The following SLC8B1 variants were observed in gnomAD, a reference collection of about 807,000 sequenced individuals.
The protein encoded by SLC8B1 is mitochondrial sodium/calcium exchanger protein.
In SLC8B1, 52 loss-of-function variants were observed where a neutral mutation model predicts 63.4. The ratio of observed to expected loss-of-function variants is 0.82; its 90% CI spans 0.66 to 1.03. SLC8B1 has a LOEUF of 1.03. Ranked by LOEUF, SLC8B1 falls within the 50% of genes least tolerant of loss-of-function variation. SLC8B1 has a pLI of 0.00. For synonymous variants in SLC8B1, 336 were observed against 323.9 expected, an observed-to-expected ratio of 1.04 and a Z score of -0.40; for missense variants, 657 against 741.7, an observed-to-expected ratio of 0.89 and a Z score of 1.33.
At chr12:113,301,766 T>C (rs1442082086) in intron 15 of SLC8B1, among the ~76,000 whole-genome samples, 1 of 152,206 alleles carries the variant, frequency 6.6e-6, no homozygotes, top group East Asian at 1.9e-4. Flanking sequence ...TGGTGGGTAC[T>C]AGGATGGACT....
Position 113,301,436 on chromosome 12 carries a change from A to C in SLC8B1, c.1558-1462T>G, listed in dbSNP as rs915677367. On this transcript the variant is annotated intron_variant, in intron 15 of 15. Transcript: ENST00000680972. ...ACAGCAACCTCTACCTCCCAAGTTC[A>C]AGTGATTCTCCTGCCTCAGCCTCCC... Among the ~76,000 whole-genome samples, 14 of 149,222 alleles carry C rather than the reference A, an allele frequency of 9.4e-5. 1 individual carries two copies. Among genetic ancestry groups the C allele is most frequent in the African/African-American group, 3.5e-4 (14 of 40,302 alleles).
At chr12:113,304,906 CA>C (rs535643907) in intron 14 of SLC8B1, among the ~76,000 whole-genome samples, 2 of 151,346 alleles carry the variant, frequency 1.3e-5, no homozygotes, top group African/African-American at 2.4e-5. Context: ...CCCAGACTTA[CA>C]AAAAAAAATG....
At chr12:113,303,793 G>GC (rs111519158) in intron 15 of SLC8B1, among the ~76,000 whole-genome samples, 22,586 of 152,134 alleles carry the variant, frequency 0.15, 2,398 homozygotes, top group African/African-American at 0.29. Context: ...TGGCCCTTCC[G>GC]CTGCGTGCTT....
rs1271317751 is a variant in SLC8B1, at chr12:113,310,281, C to T, written c.1210G>A (p.Val404Met). 1 of 1,614,124 alleles carries T rather than the reference C, an allele frequency of 6.2e-7. No individual in the cohort carries two copies. The highest frequency in any genetic ancestry group is 2.2e-5 in the East Asian group (1 of 44,880). ...CTGTCAGATGTGGCAAAAAAGGTCACTGAAGCCAAGGCTGTGCCTGCGATC... is the reference window on the plus strand; with the variant it reads ...CTGTCAGATGTGGCAAAAAAGGTCATTGAAGCCAAGGCTGTGCCTGCGATC... ...VVIAGTALAS[V>M]TFFATSDSQP... The change falls in exon 12 of 16, where the codon GTG becomes ATG. Residue 404 changes from valine to methionine, a missense_variant. Transcript: ENST00000680972.
chr12:113,323,239 C>T (rs1956954734), intron 2 of SLC8B1, among the ~76,000 whole-genome samples: 1 of 152,202 alleles, frequency 6.6e-6, no homozygotes, highest in Admixed American at 6.5e-5. Flanking sequence ...AAAAGAAATG[C>T]TCAAGGCCCT....
intron 8 of SLC8B1, among the ~76,000 whole-genome samples, chr12:113,318,422 GTGT>G (rs576880149): frequency 4.0e-5 from 6 of 151,748 alleles, no homozygotes; most frequent in Non-Finnish European, 4.4e-5. Context: ...ATTTGTATGT[GTGT>G]TGTGTGTATA....
At chr12:113,334,160 C>T (rs1207013888) in intron 1 of SLC8B1, among the ~76,000 whole-genome samples, 1 of 152,200 alleles carries the variant, frequency 6.6e-6, no homozygotes, top group Non-Finnish European at 1.5e-5. Context: ...CCATGTGCCT[C>T]TTCCCTCAAG....
chr12:113,303,141 A>G (rs200171224), intron 15 of SLC8B1, among the ~76,000 whole-genome samples: 3,309 of 145,704 alleles, frequency 0.023, 60 homozygotes, highest in East Asian at 0.049. Context: ...ACACACACAC[A>G]CGCGCGCGCA....
Position 113,307,730 on chromosome 12 carries a change from G to C in SLC8B1, c.1372C>G (p.Leu458Val), listed in dbSNP as rs753968650. ...GVVFRLSNTV[L>V]GLTLLAWGNS... is the part of the protein sequence containing the mutation. Reference sequence around the variant, plus strand: ...CCCCAGGCCAGCAGCGTGAGCCCCAGCACAGTGTTGCTCAGCCGGAAGACC... The same window carrying C: ...CCCCAGGCCAGCAGCGTGAGCCCCACCACAGTGTTGCTCAGCCGGAAGACC... Residue 458 changes from leucine (L) to valine (V), a missense_variant, in exon 13 of 16, where the codon CTG becomes GTG. Physicochemically the swap from Leu to Val is conservative, Grantham distance 32. Transcript: ENST00000680972. 1.9e-5 allele frequency: 31 copies of C among 1,613,940 alleles called. No individual in the cohort carries two copies. Among genetic ancestry groups the C allele is most frequent in the Non-Finnish European group, 2.5e-5 (29 of 1,180,046 alleles).
At chr12:113,318,856 G>C in intron 8 of SLC8B1, 108 bp downstream of exon 8, 1 of 779,786 alleles carries the variant, frequency 1.3e-6, no homozygotes. Context: ...ATGAAGAGGA[G>C]ATGAGCTTGG....
rs187609470 is a variant in SLC8B1, at chr12:113,329,296, C to G, written c.156+3427G>C. 3.2e-3 allele frequency among the ~76,000 whole-genome samples: 494 copies of G among 152,294 alleles called. 1 individual carries two copies. The highest frequency in any genetic ancestry group is 3.5e-3 in the Non-Finnish European group (239 of 68,024). ...CCCACCACTGAGAAGTGGCTCCAAA[C>G]TCAGCTCCGCCTGAAAGTTACTCGC... On this transcript the variant is annotated intron_variant, in intron 2 of 15. Coordinates refer to ENST00000680972, the MANE Select transcript of SLC8B1 (RefSeq NM_001358345.2).
intron 2 of SLC8B1, among the ~76,000 whole-genome samples, chr12:113,323,252 C>G (rs1487760913): frequency 6.6e-6 from 1 of 152,220 alleles, no homozygotes; most frequent in Non-Finnish European, 1.5e-5. Context: ...AAGGCCCTGA[C>G]AAGGGATCTT....
In SLC8B1 at chr12:113,315,315, C is replaced by A; in HGVS notation, c.1135+20G>T. 6.7e-7 allele frequency: 1 copy of A among 1,500,878 alleles called. No individual in the cohort carries two copies. Among genetic ancestry groups the A allele is most frequent in the Non-Finnish European group, 8.9e-7 (1 of 1,118,550 alleles). 93.0% of individuals were successfully genotyped at this position (1,500,878 alleles called of 1,614,324 possible). On this transcript the variant is annotated intron_variant, in intron 11 of 15. Transcript: ENST00000680972. ...GGAAGGAGTAGGAAGGTGGGTTGGC[C>A]CGGGGTAGGGGATACTCACAGGTCC...
At chr12:113,303,671 T>C (rs1956630585) in intron 15 of SLC8B1, among the ~76,000 whole-genome samples, 1 of 152,182 alleles carries the variant, frequency 6.6e-6, no homozygotes, top group Admixed American at 6.5e-5. Context: ...CTTAGGAATC[T>C]TGATTTCTTC....
At chr12:113,304,417 T>C (rs779168618) in intron 14 of SLC8B1, 32 bp from the exon 15 acceptor site, 1 of 1,605,310 alleles carries the variant, frequency 6.2e-7, no homozygotes, top group Non-Finnish European at 8.5e-7. Context: ...TTTGCTGGAA[T>C]GGCCTGCACA....
intron 11 of SLC8B1, among the ~76,000 whole-genome samples, chr12:113,312,253 G>T (rs1245268294): frequency 1.3e-5 from 2 of 152,008 alleles, no homozygotes; most frequent in Non-Finnish European, 2.9e-5. Flanking sequence ...GGCCAACATG[G>T]TGAAACCTCA....
rs747274678 is a variant in SLC8B1, at chr12:113,299,891, CA to C, written c.1640del (p.Leu547CysfsTer19). The C allele has an allele frequency of 6.2e-7, 1 of 1,614,218 alleles. No individual in the cohort carries two copies. The highest frequency in any genetic ancestry group is 8.5e-7 in the Non-Finnish European group (1 of 1,180,032). ...SLVFSLVSVP[L>X]QCFQLSRVYG... ...AGACTCTGCTGAGCTGGAAGCACTG[CA>C]ATGGGACTGAGACCAGGGAGAAGAC... On this transcript the variant is annotated frameshift_variant, in exon 16 of 16. Coordinates refer to ENST00000680972, the MANE Select transcript of SLC8B1 (RefSeq NM_001358345.2). LOFTEE classifies it high-confidence loss of function.
Position 113,299,438 on chromosome 12 carries a change from G to A in SLC8B1, c.*339C>T, listed in dbSNP as rs920222049. 3.1e-6 allele frequency: 1 copy of A among 317,794 alleles called. No homozygotes were observed. Among genetic ancestry groups the A allele is most frequent in the Non-Finnish European group, 6.2e-6 (1 of 161,318 alleles). The allele number at this position is 317,794 out of a possible 1,614,324, so 19.7% of individuals were successfully genotyped here. On this transcript the variant is annotated 3_prime_UTR_variant, in exon 16 of 16. Coordinates refer to ENST00000680972, the MANE Select transcript of SLC8B1 (RefSeq NM_001358345.2). ...GTGCCTCGGGGGTACCTCCAGCATG[G>A]CCTGGAGCACATCCAGCCATCCCCT...
rs1956840649 is a variant in SLC8B1 at position 113,316,676 on chromosome 12, G to A, written c.863-20C>T. The A allele has an allele frequency of 6.2e-7, 1 of 1,611,240 alleles. No homozygotes were observed. The highest frequency in any genetic ancestry group is 8.5e-7 in the Non-Finnish European group (1 of 1,179,054). ...CATCACCTGTGTGCAGGGGTCGGGT[G>A]GTGAGGTGTGCCTGCGGCTGACTTG... is the stretch of plus-strand genomic sequence containing the variant. On this transcript the variant is annotated intron_variant, in intron 9 of 15. Coordinates refer to ENST00000680972, the MANE Select transcript of SLC8B1 (RefSeq NM_001358345.2).
Sources: allele counts gnomAD v4.1 joint callset (sites outside exome capture counted in the v4.1 genomes callset), GRCh38; gene constraint gnomAD v4.1.1; transcripts MANE v1.5; gene names NCBI Gene and HGNC (gene_info 2026-07-23, HGNC 2026-07-21).